Variants in NT5C3A observed in about 807,000 individuals in gnomAD.
NT5C3A encodes the protein cytosolic 5'-nucleotidase 3A.
A neutral mutation model predicts 40.0 loss-of-function variants in NT5C3A; 23 were observed. The ratio of observed to expected loss-of-function variants is 0.58; its 90% CI spans 0.41 to 0.81. The LOEUF (loss-of-function observed/expected upper bound fraction) is 0.81, where lower values mean the gene tolerates loss of function less well. Among genes scored for constraint, NT5C3A ranks in the 40% least tolerant of loss-of-function variants. NT5C3A has a pLI of 0.00. For missense variants in NT5C3A, 328 were observed against 403.0 expected (o/e 0.81, Z 1.59); for synonymous variants, 130 against 141.4 (o/e 0.92, Z 0.57).
chr7:33,056,771 C>A (rs1787588948), intron 1 of NT5C3A, among the ~76,000 whole-genome samples: 1 of 152,084 alleles, frequency 6.6e-6, no homozygotes, highest in Admixed American at 6.6e-5. Context: ...CAATAGTGGG[C>A]TTTCGATTCA....
chr7:33,014,584 C>T lies in NT5C3A; in HGVS notation c.*146G>A. 5 of 1,152,386 alleles carry T rather than the reference C, an allele frequency of 4.3e-6. No individual in the cohort carries two copies. Among genetic ancestry groups the T allele is most frequent in the Non-Finnish European group, 6.2e-6 (5 of 804,072 alleles). The allele number at this position is 1,152,386 out of a possible 1,614,324, so 71.4% of individuals were successfully genotyped here. On this transcript the variant is annotated 3_prime_UTR_variant, in exon 9 of 9. Transcript: ENST00000610140. ...GGAGAAAAGGAGCTTCCAGTCAATG[C>T]ATTCACCATATCTGAAAATACTTCA...
chr7:33,018,665 T>C (rs565674550), intron 6 of NT5C3A, among the ~76,000 whole-genome samples: 4 of 151,748 alleles, frequency 2.6e-5, no homozygotes, highest in Non-Finnish European at 5.9e-5. Flanking sequence ...CCTGGCTAAC[T>C]CGGTGAAACC....
chr7:33,054,597 A>G (rs999104319), intron 1 of NT5C3A, among the ~76,000 whole-genome samples: 2 of 152,204 alleles, frequency 1.3e-5, no homozygotes, highest in African/African-American at 2.4e-5. Flanking sequence ...CACATACATT[A>G]TATCTTGGGG....
Position 33,026,888 on chromosome 7 carries a change from G to C in NT5C3A, c.166C>G (p.Arg56Gly), listed in dbSNP as rs753346459. Reference protein sequence around the residue: ...MMPEFQKSSVRIKNPTRVEEI... With the variant: ...MMPEFQKSSVGIKNPTRVEEI... ...TCTACTCTTGTAGGGTTCTTGATTC[G>C]AACTGAACTTTTCTGGAATTCTGGC... The change falls in exon 2 of 9, where the codon CGA becomes GGA. Residue 56 changes from arginine to glycine, a missense_variant. Physicochemically the swap from Arg to Gly is moderately radical, Grantham distance 125. Coordinates refer to ENST00000610140, the MANE Select transcript of NT5C3A (RefSeq NM_001002010.5). The C allele has an allele frequency of 1.9e-6, 3 of 1,612,184 alleles. No individual in the cohort carries two copies. Among genetic ancestry groups the C allele is most frequent in the Admixed American group, 3.3e-5 (2 of 59,946 alleles).
chr7:33,039,342 T>A (rs1221540073), intron 1 of NT5C3A, among the ~76,000 whole-genome samples: 1 of 152,106 alleles, frequency 6.6e-6, no homozygotes, highest in Admixed American at 6.6e-5. Flanking sequence ...GAATATAGCT[T>A]TAAAAACTGT....
At chr7:33,047,609 A>G (rs1787206893) in intron 1 of NT5C3A, among the ~76,000 whole-genome samples, 4 of 152,150 alleles carry the variant, frequency 2.6e-5, no homozygotes, top group Non-Finnish European at 5.9e-5. Flanking sequence ...CAAATTAAGT[A>G]AACAATCTTG....
intron 1 of NT5C3A, among the ~76,000 whole-genome samples, chr7:33,054,153 G>A (rs1158711314): frequency 6.6e-6 from 1 of 152,008 alleles, no homozygotes; most frequent in East Asian, 1.9e-4. Flanking sequence ...CCAGGAGTTT[G>A]AGACCAGGTG....
At chr7:33,058,139 A>G (rs1787638283) in intron 1 of NT5C3A, among the ~76,000 whole-genome samples, 1 of 152,152 alleles carries the variant, frequency 6.6e-6, no homozygotes, top group African/African-American at 2.4e-5. Flanking sequence ...CTGATATTGC[A>G]GGAGAAATTA....
Position 33,033,498 on chromosome 7 carries a change from T to C in NT5C3A, c.139-6583A>G, listed in dbSNP as rs193047543. Among the ~76,000 whole-genome samples, 722 of 152,318 alleles carry C rather than the reference T, an allele frequency of 4.7e-3. 3 individuals carry two copies. The highest frequency in any genetic ancestry group is 0.01 in the Middle Eastern group (3 of 294). On this transcript the variant is annotated intron_variant, in intron 1 of 8. Coordinates refer to ENST00000610140, the MANE Select transcript of NT5C3A (RefSeq NM_001002010.5). Reference sequence around the variant, plus strand: ...GTGTGAAGCCGCTCTGTAAGAGATATATAAAATATAAATCTTACACTCAAG... The same window carrying C: ...GTGTGAAGCCGCTCTGTAAGAGATACATAAAATATAAATCTTACACTCAAG...
intron 1 of NT5C3A, among the ~76,000 whole-genome samples, chr7:33,032,463 T>C (rs1786331272): frequency 6.6e-6 from 1 of 151,728 alleles, no homozygotes; most frequent in Non-Finnish European, 1.5e-5. Flanking sequence ...TGTTTTTTTA[T>C]TTTTATTTTT....
rs529536818 is a variant in NT5C3A at position 33,039,298 on chromosome 7, T to C, written c.139-12383A>G. Among the ~76,000 whole-genome samples the C allele has an allele frequency of 7.2e-5, 11 of 152,304 alleles. No homozygotes were observed. The South Asian group carries it at 1.2e-3, about 17-fold the overall frequency. The stretch of plus-strand genomic sequence containing the variant: ...TTACTTTTAAAGGTCTACTTGACTC[T>C]GTCTTACAGGAAAGTGAAAAAGATT... On this transcript the variant is annotated intron_variant, in intron 1 of 8. Coordinates refer to ENST00000610140, the MANE Select transcript of NT5C3A (RefSeq NM_001002010.5).
chr7:33,043,521 G>C (rs556262697), intron 1 of NT5C3A, among the ~76,000 whole-genome samples: 6 of 152,298 alleles, frequency 3.9e-5, no homozygotes, highest in Non-Finnish European at 5.9e-5. Context: ...TTCTAATGGA[G>C]ACACAGAAGC....
chr7:33,052,265 C>T (rs576261859), intron 1 of NT5C3A, among the ~76,000 whole-genome samples: 1 of 152,036 alleles, frequency 6.6e-6, no homozygotes, highest in African/African-American at 2.4e-5. Context: ...AGGTGGATCA[C>T]CTGAGGTCAG....
chr7:33,041,787 T>C (rs1323465490), intron 1 of NT5C3A, among the ~76,000 whole-genome samples: 1 of 151,834 alleles, frequency 6.6e-6, no homozygotes, highest in Non-Finnish European at 1.5e-5. Flanking sequence ...TTAACCTGAG[T>C]AGTAGGGTGG....
chr7:33,022,147 T>G, intron 3 of NT5C3A, 48 bp from the exon 4 acceptor site: 1 of 953,238 alleles, frequency 1.0e-6, no homozygotes, highest in Non-Finnish European at 1.7e-6. Flanking sequence ...CTCTGATTTA[T>G]GCTACCACTA....
intron 1 of NT5C3A, among the ~76,000 whole-genome samples, chr7:33,033,814 A>C (rs1164184478): frequency 1.3e-5 from 2 of 151,564 alleles, no homozygotes; most frequent in Admixed American, 1.3e-4. Flanking sequence ...CTGGACAGAG[A>C]GATCTGAATC....
chr7:33,022,079 G>C lies in NT5C3A; in HGVS notation c.328C>G (p.Leu110Val), dbSNP rs769101830. ...TCHNIIDNCK[L>V]VTDECRKKLL... ...TTTTTTCTACATTCATCTGTAACCA[G>C]CTTACAGTTGTCAATGATATCTAAA... The change falls in exon 4 of 9, where the codon CTG becomes GTG. Residue 110 changes from leucine to valine, a missense_variant. Leu to Val is a conservative substitution (Grantham distance 32). Around this residue, in one of 3 missense-constraint regions of NT5C3A, gnomAD observed 280 missense variants for 317.2 expected, o/e 0.88. Coordinates refer to ENST00000610140, the MANE Select transcript of NT5C3A (RefSeq NM_001002010.5). The C allele has an allele frequency of 6.5e-7, 1 of 1,528,556 alleles. No individual in the cohort carries two copies. The highest frequency in any genetic ancestry group is 9.1e-7 in the Non-Finnish European group (1 of 1,103,340). The allele number at this position is 1,528,556 out of a possible 1,614,324, so 94.7% of individuals were successfully genotyped here. A position where few individuals can be genotyped will look rare whatever the true frequency, so the allele number is the denominator to read the frequency against.
At chr7:33,039,730 A>G (rs928874748) in intron 1 of NT5C3A, among the ~76,000 whole-genome samples, 2 of 152,062 alleles carry the variant, frequency 1.3e-5, no homozygotes, top group African/African-American at 4.8e-5. Context: ...CACACGCTGC[A>G]AAGTGAAACT....
chr7:33,036,102 G>A, intron 1 of NT5C3A: 1 of 799,338 alleles, frequency 1.3e-6, no homozygotes, highest in Non-Finnish European at 2.2e-6. Flanking sequence ...GGAATTTTTG[G>A]TATGACTTAT....
Sources: gnomAD v4.1 joint callset for allele counts (sites outside exome capture counted in the v4.1 genomes callset) on GRCh38, gnomAD v4.1.1 for gene constraint, gnomAD v4.1.1 regional missense constraint, MANE v1.5 for transcripts, NCBI Gene and HGNC (gene_info 2026-07-23, HGNC 2026-07-21) for gene names.